Variants in HMGCLL1 observed in about 807,000 individuals in gnomAD.
HMGCLL1 encodes the protein 3-hydroxy-3-methylglutaryl-CoA lyase like 1, also known as 3-hydroxymethyl-3-methylglutaryl-CoA lyase, cytoplasmic.
A neutral mutation model predicts 39.1 loss-of-function variants in HMGCLL1; 36 were observed. The observed-to-expected ratio is 0.92, with a 90% CI of 0.71 to 1.22. The LOEUF (loss-of-function observed/expected upper bound fraction) is 1.22. Among genes scored for constraint, HMGCLL1 ranks in the 50% most tolerant of loss-of-function variants. The pLI is 0.00. For synonymous variants in HMGCLL1, 149 were observed against 144.0 expected, an observed-to-expected ratio of 1.03 and a Z score of -0.25; for missense variants, 451 against 416.5, an observed-to-expected ratio of 1.08 and a Z score of -0.72.
At chr6:55,521,672 G>A (rs1277010165) in intron 3 of HMGCLL1, among the ~76,000 whole-genome samples, 4 of 151,986 alleles carry the variant, frequency 2.6e-5, no homozygotes, top group Non-Finnish European at 5.9e-5. Flanking sequence ...AAGGTTGTGT[G>A]TGTTCAACTG....
At chr6:55,559,017 C>T (rs9475347) in intron 1 of HMGCLL1, among the ~76,000 whole-genome samples, 1,820 of 152,148 alleles carry the variant, frequency 0.012, 28 homozygotes, top group African/African-American at 0.041. Context: ...GCTATGGATC[C>T]AACCCTAAGA....
At chr6:55,553,196 C>CAT (rs1561958357) in intron 1 of HMGCLL1, among the ~76,000 whole-genome samples, 1 of 137,198 alleles carries the variant, frequency 7.3e-6, no homozygotes, top group East Asian at 2.2e-4. Flanking sequence ...CACACACACA[C>CAT]ACACACATAC....
chr6:55,637,383 T>G, the HMGCLL1 span, among the ~76,000 whole-genome samples: 1 of 152,250 alleles, frequency 6.6e-6, no homozygotes, highest in South Asian at 2.1e-4. Flanking sequence ...TAATTAAAGC[T>G]GAGGGGAATA....
chr6:55,639,700 T>C, the HMGCLL1 span, among the ~76,000 whole-genome samples: 2 of 152,142 alleles, frequency 1.3e-5, no homozygotes, highest in East Asian at 1.9e-4. Context: ...CTCTCAGTTT[T>C]ATTCTAGTTT....
At chr6:55,481,570 A>G (rs1256051574) in intron 7 of HMGCLL1, among the ~76,000 whole-genome samples, 1 of 91,780 alleles carries the variant, frequency 1.1e-5, no homozygotes, top group Admixed American at 1.2e-4. Context: ...AGTGGGATAC[A>G]AGAGACAAGT....
chr6:55,641,734 C>G, the HMGCLL1 span, among the ~76,000 whole-genome samples: 1 of 151,632 alleles, frequency 6.6e-6, no homozygotes, highest in Non-Finnish European at 1.5e-5. Flanking sequence ...GCAAAAATAT[C>G]GTTTTGTAAA....
intron 3 of HMGCLL1, among the ~76,000 whole-genome samples, chr6:55,525,598 T>G (rs564602935): frequency 1.9e-4 from 29 of 152,040 alleles, no homozygotes; most frequent in Non-Finnish European, 2.9e-4. Flanking sequence ...TCAGTATGTG[T>G]CATTTACTGA....
intron 7 of HMGCLL1, among the ~76,000 whole-genome samples, chr6:55,471,809 G>T (rs985209689): frequency 1.3e-5 from 2 of 151,474 alleles, no homozygotes; most frequent in African/African-American, 4.8e-5. Context: ...AACATTAGCA[G>T]CATGTTCTCA....
intron 5 of HMGCLL1, among the ~76,000 whole-genome samples, chr6:55,502,911 C>A (rs1256212648): frequency 6.6e-6 from 1 of 151,582 alleles, no homozygotes; most frequent in Admixed American, 6.6e-5. Flanking sequence ...TACTTTGCCT[C>A]TATAAACATT....
intron 1 of HMGCLL1, among the ~76,000 whole-genome samples, chr6:55,565,813 T>A (rs1225005742): frequency 6.6e-6 from 1 of 152,092 alleles, no homozygotes. Flanking sequence ...TAGACATTCA[T>A]GAGTGAAACC....
chr6:55,677,380 A>T, the HMGCLL1 span, among the ~76,000 whole-genome samples: 2 of 152,028 alleles, frequency 1.3e-5, no homozygotes, highest in Non-Finnish European at 2.9e-5. Context: ...AAACAGAAAC[A>T]ACCCCCCCGA....
chr6:55,594,338 A>C, the HMGCLL1 span, among the ~76,000 whole-genome samples: 1 of 152,086 alleles, frequency 6.6e-6, no homozygotes, highest in East Asian at 1.9e-4. Flanking sequence ...GGTCTAGTTT[A>C]CACGGTCTTG....
chr6:55,474,916 T>A (rs553379841), intron 7 of HMGCLL1, among the ~76,000 whole-genome samples: 1 of 151,770 alleles, frequency 6.6e-6, no homozygotes, highest in African/African-American at 2.4e-5. Flanking sequence ...TAAACGGGTC[T>A]GCTTCTTGTA....
chr6:55,628,184 T>A, the HMGCLL1 span, among the ~76,000 whole-genome samples: 2 of 78,528 alleles, frequency 2.5e-5, no homozygotes, highest in Non-Finnish European at 4.6e-5. Context: ...ACTATATATA[T>A]AATATATATA....
chr6:55,474,014 T>C lies in HMGCLL1; in HGVS notation c.795+21405A>G, dbSNP rs544238320. On this transcript the variant is annotated intron_variant, in intron 7 of 8. Coordinates refer to ENST00000274901, the MANE Select transcript of HMGCLL1 (RefSeq NM_001042406.2). ...TTTCTCTATAGATACGGTGTATTTT[T>C]TCTCTGGCTTCTTTCAAAATTCTCT... Among the ~76,000 whole-genome samples, 41 of 151,628 alleles carry C rather than the reference T, an allele frequency of 2.7e-4. No homozygotes were observed. In the South Asian group the frequency reaches 8.3e-3, roughly 31 times the overall value.
At chr6:55,614,150 GCAT>G in the HMGCLL1 span, among the ~76,000 whole-genome samples, 1 of 152,000 alleles carries the variant, frequency 6.6e-6, no homozygotes, top group African/African-American at 2.4e-5. Context: ...CAAATAAATT[GCAT>G]TAAAAATGAC....
intron 3 of HMGCLL1, among the ~76,000 whole-genome samples, chr6:55,531,372 T>C (rs1768659405): frequency 6.6e-6 from 1 of 152,054 alleles, no homozygotes; most frequent in Admixed American, 6.5e-5. Flanking sequence ...TCTATTTGGG[T>C]TTTAAACAAT....
the HMGCLL1 span, among the ~76,000 whole-genome samples, chr6:55,594,735 G>A: frequency 4.6e-5 from 7 of 152,262 alleles, no homozygotes; most frequent in Admixed American, 1.3e-4. Flanking sequence ...CTGTTGCCCT[G>A]ATGGTCCCTT....
the HMGCLL1 span, among the ~76,000 whole-genome samples, chr6:55,585,383 T>G: frequency 6.6e-6 from 1 of 152,160 alleles, no homozygotes; most frequent in South Asian, 2.1e-4. Flanking sequence ...GTTAGATGGT[T>G]GAAATCCGCA....
Sources: allele counts gnomAD v4.1 joint callset (sites outside exome capture counted in the v4.1 genomes callset), GRCh38; gene constraint gnomAD v4.1.1; transcripts MANE v1.5; gene names NCBI Gene and HGNC (gene_info 2026-07-23, HGNC 2026-07-21).